The following GLG1 variants were observed in gnomAD, a reference collection of about 807,000 sequenced individuals.
GLG1 encodes the protein golgi glycoprotein 1.
A neutral mutation model predicts 160.5 loss-of-function variants in GLG1; 38 were observed. The observed-to-expected ratio is 0.24, with a 90% CI of 0.18 to 0.31. GLG1 has a LOEUF of 0.31. Among genes scored for constraint, GLG1 ranks in the 10% least tolerant of loss-of-function variants. GLG1 has a pLI of 1.00. For missense variants in GLG1, 1,373 were observed against 1,505.2 expected (o/e 0.91, Z 1.45); for synonymous variants, 644 against 543.4 (o/e 1.19, Z -2.57).
chr16:74,512,787 G>C (rs1009263309), intron 2 of GLG1, among the ~76,000 whole-genome samples: 1 of 152,070 alleles, frequency 6.6e-6, no homozygotes, highest in African/African-American at 2.4e-5. Flanking sequence ...TAAAAATATA[G>C]TGTGATAAAT....
chr16:74,516,000 GCTAA>G (rs1417941776), intron 2 of GLG1, among the ~76,000 whole-genome samples: 1 of 151,534 alleles, frequency 6.6e-6, no homozygotes, highest in Non-Finnish European at 1.5e-5. Context: ...AACAAGAAGA[GCTAA>G]CTATCCTAAA....
At chr16:74,553,113 G>A (rs1257592560) in intron 1 of GLG1, among the ~76,000 whole-genome samples, 1 of 151,754 alleles carries the variant, frequency 6.6e-6, no homozygotes, top group South Asian at 2.1e-4. Context: ...TCAGCTACTC[G>A]GGAGGCTGAG....
chr16:74,533,764 G>A (rs1449789844), intron 1 of GLG1, among the ~76,000 whole-genome samples: 1 of 152,182 alleles, frequency 6.6e-6, no homozygotes, highest in Non-Finnish European at 1.5e-5. Context: ...CTGGGCAACA[G>A]AGCGAGATTC....
At chr16:74,454,115 C>T (rs946230285) in intron 25 of GLG1, among the ~76,000 whole-genome samples, 2 of 151,882 alleles carry the variant, frequency 1.3e-5, no homozygotes, top group Non-Finnish European at 1.5e-5. Flanking sequence ...CCTCGTGATC[C>T]GCCCACCTCG....
intron 1 of GLG1, among the ~76,000 whole-genome samples, chr16:74,538,551 C>T (rs188647531): frequency 2.2e-3 from 334 of 152,248 alleles, no homozygotes; most frequent in Non-Finnish European, 3.7e-3. Context: ...CTTATTTGTA[C>T]CCAGGGATAG....
At chr16:74,549,006 T>C (rs1285460841) in intron 1 of GLG1, among the ~76,000 whole-genome samples, 2 of 152,038 alleles carry the variant, frequency 1.3e-5, no homozygotes, top group Non-Finnish European at 2.9e-5. Context: ...AAAAAAATAA[T>C]AGTAATACCA....
At chr16:74,470,928 TG>T (rs553887058) in intron 15 of GLG1, among the ~76,000 whole-genome samples, 119 of 151,918 alleles carry the variant, frequency 7.8e-4, no homozygotes, top group African/African-American at 2.3e-3. Context: ...TGGCTAATTT[TG>T]TATTTTCAGT....
intron 8 of GLG1, among the ~76,000 whole-genome samples, chr16:74,488,352 G>A (rs950056793): frequency 1.3e-5 from 2 of 151,838 alleles, no homozygotes; most frequent in African/African-American, 4.8e-5. Context: ...GAACAGCCTG[G>A]GCAACACGGC....
At chr16:74,463,201 T>C in intron 20 of GLG1, 155 bp downstream of exon 20, 1 of 661,446 alleles carries the variant, frequency 1.5e-6, no homozygotes, top group South Asian at 2.1e-5. Context: ...TTTTTCTGGA[T>C]GCTCCTCAAA....
At chr16:74,519,951 T>C (rs895705423) in intron 2 of GLG1, among the ~76,000 whole-genome samples, 3 of 152,234 alleles carry the variant, frequency 2.0e-5, no homozygotes, top group African/African-American at 7.2e-5. Context: ...CATTATTGAC[T>C]ATGTAAAAAG....
At chr16:74,508,585 A>AG (rs1393063931) in intron 3 of GLG1, among the ~76,000 whole-genome samples, 1 of 152,202 alleles carries the variant, frequency 6.6e-6, no homozygotes, top group Non-Finnish European at 1.5e-5. Context: ...CTGATACCTC[A>AG]GCACTTTTAC....
At chr16:74,598,157 T>C (rs1010910698) in intron 1 of GLG1, among the ~76,000 whole-genome samples, 1 of 152,110 alleles carries the variant, frequency 6.6e-6, no homozygotes, top group African/African-American at 2.4e-5. Flanking sequence ...TGCTAACCAT[T>C]ATAAGTAGCA....
chr16:74,550,609 A>C (rs1170575753), intron 1 of GLG1, among the ~76,000 whole-genome samples: 2 of 152,326 alleles, frequency 1.3e-5, no homozygotes, highest in African/African-American at 2.4e-5. Flanking sequence ...AGTATTTTTT[A>C]ATTGTAAGAT....
At chr16:74,566,005 A>C (rs963624388) in intron 1 of GLG1, among the ~76,000 whole-genome samples, 1 of 152,148 alleles carries the variant, frequency 6.6e-6, no homozygotes, top group African/African-American at 2.4e-5. Context: ...TATTTTGTAG[A>C]ACGTCCCTCA....
chr16:74,512,622 G>A (rs1228742010), intron 2 of GLG1, among the ~76,000 whole-genome samples: 1 of 151,138 alleles, frequency 6.6e-6, no homozygotes, highest in Non-Finnish European at 1.5e-5. Context: ...AACGTGTAAT[G>A]AGTAACTACT....
At chr16:74,484,668 G>A (rs1017746769) in intron 9 of GLG1, among the ~76,000 whole-genome samples, 4 of 152,192 alleles carry the variant, frequency 2.6e-5, no homozygotes, top group Non-Finnish European at 4.4e-5. Context: ...GGCTGAGCCA[G>A]GAGAACTGCT....
At chr16:74,465,009 T>C (rs2014947473) in intron 19 of GLG1, among the ~76,000 whole-genome samples, 1 of 152,142 alleles carries the variant, frequency 6.6e-6, no homozygotes, top group Admixed American at 6.5e-5. Context: ...CGGCTAATTT[T>C]TGTATTTTTA....
chr16:74,567,496 C>T (rs2143765184), intron 1 of GLG1, among the ~76,000 whole-genome samples: 1 of 151,546 alleles, frequency 6.6e-6, no homozygotes, highest in East Asian at 1.9e-4. Context: ...AAGTAAAACT[C>T]CAAAAGATAA....
At chr16:74,580,185 T>C (rs1441371270) in intron 1 of GLG1, among the ~76,000 whole-genome samples, 1 of 151,932 alleles carries the variant, frequency 6.6e-6, no homozygotes, top group Non-Finnish European at 1.5e-5. Context: ...AGATGCTAAA[T>C]CAAAAAACCA....
Sources: allele counts gnomAD v4.1 joint callset (sites outside exome capture counted in the v4.1 genomes callset), GRCh38; gene constraint gnomAD v4.1.1; transcripts MANE v1.5; gene names NCBI Gene and HGNC (gene_info 2026-07-23, HGNC 2026-07-21).